The following MEGF11 variants were observed in gnomAD, a reference collection of about 807,000 sequenced individuals.
MEGF11 encodes the protein multiple EGF like domains 11.
MEGF11 carries 126 observed loss-of-function variants against 146.6 expected under a neutral mutation model. The observed-to-expected ratio is 0.86, with a 90% CI of 0.74 to 1.00. The LOEUF is 1.00. MEGF11 is among the 50% of genes least tolerant of loss of function. MEGF11 has a pLI of 0.00. For missense variants in MEGF11, 1,509 were observed against 1,521.2 expected (o/e 0.99, Z 0.13); for synonymous variants, 532 against 583.4 (o/e 0.91, Z 1.27).
chr15:66,031,771 G>A (rs1425653890), intron 5 of MEGF11, among the ~76,000 whole-genome samples: 2 of 152,218 alleles, frequency 1.3e-5, no homozygotes, highest in East Asian at 3.8e-4. Flanking sequence ...TGGTCTGAAT[G>A]TGTCTCCCAA....
At chr15:66,103,426 G>A (rs1448605328) in intron 4 of MEGF11, among the ~76,000 whole-genome samples, 1 of 152,210 alleles carries the variant, frequency 6.6e-6, no homozygotes, top group African/African-American at 2.4e-5. Context: ...GAGACACAGA[G>A]AATTGTCTGA....
intron 1 of MEGF11, among the ~76,000 whole-genome samples, chr15:66,244,145 C>T (rs970360003): frequency 2.6e-5 from 4 of 152,140 alleles, no homozygotes; most frequent in African/African-American, 9.7e-5. Flanking sequence ...TGCTCAACCG[C>T]GAGGCCCTAA....
intron 8 of MEGF11, among the ~76,000 whole-genome samples, chr15:65,969,884 GTTT>G (rs1362212512): frequency 6.6e-6 from 1 of 152,028 alleles, no homozygotes; most frequent in Non-Finnish European, 1.5e-5. Context: ...GGTTCTGTGG[GTTT>G]CAAATATCTT....
intron 2 of MEGF11, among the ~76,000 whole-genome samples, chr15:66,125,805 C>T (rs1221051377): frequency 6.6e-6 from 1 of 152,140 alleles, no homozygotes; most frequent in Non-Finnish European, 1.5e-5. Context: ...GAATGGATTC[C>T]CCACCTTTGT....
At position 66,162,991 on chromosome 15, in the gene MEGF11, G is replaced by A. The variant is rs181986559; in HGVS notation, c.-8-34580C>T. ...TCACCCACAGAGATTTGTATATGTA[G>A]GTATATTCGATCCTGCAACATACTG... On this transcript the variant is annotated intron_variant, in intron 1 of 25. Coordinates refer to ENST00000395614, the MANE Select transcript of MEGF11 (RefSeq NM_001385028.1). Among the ~76,000 whole-genome samples the A allele has an allele frequency of 9.8e-4, 149 of 152,200 alleles. 1 individual carries two copies. Among genetic ancestry groups the A allele is most frequent in the Non-Finnish European group, 1.5e-3 (105 of 68,024 alleles).
chr15:66,073,895 A>T (rs1209877855), intron 5 of MEGF11, among the ~76,000 whole-genome samples: 1 of 152,232 alleles, frequency 6.6e-6, no homozygotes, highest in Non-Finnish European at 1.5e-5. Context: ...TTTCCCCCAC[A>T]TGAGCTTGGG....
At chr15:66,230,066 A>C (rs1392078265) in intron 1 of MEGF11, among the ~76,000 whole-genome samples, 2 of 152,212 alleles carry the variant, frequency 1.3e-5, no homozygotes, top group South Asian at 4.1e-4. Context: ...TGTCCTCCTT[A>C]GAACCACTGC....
intron 1 of MEGF11, among the ~76,000 whole-genome samples, chr15:66,147,952 G>A (rs1476154942): frequency 6.6e-6 from 1 of 152,200 alleles, no homozygotes; most frequent in Non-Finnish European, 1.5e-5. Flanking sequence ...CACCATGGAC[G>A]ATTTGGAGCC....
intron 1 of MEGF11, among the ~76,000 whole-genome samples, chr15:66,166,757 A>T (rs1032327118): frequency 2.0e-5 from 3 of 151,848 alleles, no homozygotes; most frequent in Non-Finnish European, 4.4e-5. Context: ...CATTCAAGTC[A>T]TCGTCTCTGA....
rs2081156736 is a variant in MEGF11, at chr15:65,967,751, C to G, written c.900-2631G>C. On this transcript the variant is annotated intron_variant, in intron 8 of 25. Coordinates refer to ENST00000395614, the MANE Select transcript of MEGF11 (RefSeq NM_001385028.1). ...AAGAGGACGGTGACTGGGGTCTGGCCTTGAGTGCTTCCTTCCCAAGAAGAT... is the reference window on the plus strand; with the variant it reads ...AAGAGGACGGTGACTGGGGTCTGGCGTTGAGTGCTTCCTTCCCAAGAAGAT... Among the ~76,000 whole-genome samples, 4 of 152,096 alleles carry G rather than the reference C, an allele frequency of 2.6e-5. No individual in the cohort carries two copies. The South Asian group carries it at 8.3e-4, about 32-fold the overall frequency.
chr15:65,957,550 G>T lies in MEGF11; in HGVS notation c.1284C>A (p.Phe428Leu). 6.2e-7 allele frequency: 1 copy of T among 1,612,928 alleles called. No homozygotes were observed. Among genetic ancestry groups the T allele is most frequent in the Non-Finnish European group, 8.5e-7 (1 of 1,179,494 alleles). ...ITGGCTCAPG[F>L]MGEVCAVSCA... ...CGGGAGGCCCCTCCCATCTTACCATGAAGCCCGGAGCACAAGTGCAGCCCC... is the reference window on the plus strand; with the variant it reads ...CGGGAGGCCCCTCCCATCTTACCATTAAGCCCGGAGCACAAGTGCAGCCCC... Residue 428 changes from phenylalanine to leucine, a missense_variant, in exon 10 of 26, where the codon TTC (phenylalanine) becomes TTA (leucine). Transcript: ENST00000395614.
At chr15:66,010,528 G>A (rs746658290) in intron 5 of MEGF11, among the ~76,000 whole-genome samples, 1 of 152,172 alleles carries the variant, frequency 6.6e-6, no homozygotes, top group Non-Finnish European at 1.5e-5. Context: ...ATATGAATTT[G>A]TGTTGGGTCA....
chr15:66,099,799 T>G (rs2086710372), intron 4 of MEGF11, among the ~76,000 whole-genome samples: 1 of 152,140 alleles, frequency 6.6e-6, no homozygotes, highest in Non-Finnish European at 1.5e-5. Context: ...CTGAGCATGC[T>G]CAGGCTCATT....
At chr15:65,916,661 G>C (rs1429862901) in intron 17 of MEGF11, 167 bp downstream of exon 17, 2 of 1,223,212 alleles carry the variant, frequency 1.6e-6, no homozygotes, top group East Asian at 2.5e-5. Flanking sequence ...CAGGTCTGGA[G>C]CTGCCCCTGC....
chr15:66,018,713 G>T (rs183110504), intron 5 of MEGF11, among the ~76,000 whole-genome samples: 95 of 152,238 alleles, frequency 6.2e-4, no homozygotes, highest in African/African-American at 2.2e-3. Context: ...GACTCTGTGT[G>T]AGTGTGTGTG....
chr15:66,151,400 G>A (rs1355024552), intron 1 of MEGF11, among the ~76,000 whole-genome samples: 1 of 152,180 alleles, frequency 6.6e-6, no homozygotes, highest in African/African-American at 2.4e-5. Flanking sequence ...AGGTGGGGAT[G>A]AGGGAGAGAA....
chr15:65,928,508 T>C lies in MEGF11; in HGVS notation c.1592A>G (p.Asn531Ser), dbSNP rs896505700. 49 of 1,603,228 alleles carry C rather than the reference T, an allele frequency of 3.1e-5. No homozygotes were observed. Among genetic ancestry groups the C allele is most frequent in the Non-Finnish European group, 3.8e-5 (45 of 1,173,508 alleles). ...GCTGCAGTCACAGTGTTCACTGCAG[T>C]TCAGCCCAAATGTGCCATCCTGTGG... is the stretch of plus-strand genomic sequence containing the variant. Reference protein sequence around the residue: ...LPCPDGTFGLNCSEHCDCSHA... With the variant: ...LPCPDGTFGLSCSEHCDCSHA... Residue 531 changes from asparagine to serine, a missense_variant, in exon 13 of 26, where the codon AAC becomes AGC. By Grantham distance (46) the Asn-to-Ser change is conservative. Transcript: ENST00000395614.
intron 10 of MEGF11, among the ~76,000 whole-genome samples, chr15:65,955,065 T>A (rs2080533155): frequency 6.6e-6 from 1 of 152,192 alleles, no homozygotes; most frequent in Non-Finnish European, 1.5e-5. Context: ...TAATAGGTTC[T>A]TCTCTCTCCC....
chr15:65,984,533 A>AAAC (rs2081780845), intron 5 of MEGF11, among the ~76,000 whole-genome samples: 2 of 146,570 alleles, frequency 1.4e-5, no homozygotes, highest in Non-Finnish European at 3.0e-5. Context: ...GTCAAAAAAA[A>AAAC]AAAAAAAAAA....
Sources: gnomAD v4.1 joint callset for allele counts (sites outside exome capture counted in the v4.1 genomes callset) on GRCh38, gnomAD v4.1.1 for gene constraint, MANE v1.5 for transcripts, NCBI Gene and HGNC (gene_info 2026-07-23, HGNC 2026-07-21) for gene names.